Variants in SEZ6L observed in about 807,000 individuals in gnomAD.
The protein encoded by SEZ6L is seizure 6-like protein.
SEZ6L carries 37 observed loss-of-function variants against 106.2 expected under a neutral mutation model. That is an observed-to-expected ratio of 0.35 (90% confidence interval 0.27 to 0.46). SEZ6L has a LOEUF of 0.46. Ranked by LOEUF, SEZ6L falls within the 20% of genes least tolerant of loss-of-function variation. SEZ6L has a pLI of 1.00. For synonymous variants in SEZ6L, 541 were observed against 570.4 expected, an observed-to-expected ratio of 0.95 and a Z score of 0.73; for missense variants, 1,172 against 1,332.8, an observed-to-expected ratio of 0.88 and a Z score of 1.88.
At position 26,306,128 on chromosome 22, in the gene SEZ6L, C is replaced by A. The variant is rs765147453; in HGVS notation, c.1498C>A (p.Leu500Met). Residue 500 changes from leucine (L) to methionine (M), a missense_variant, in exon 6 of 17, where the codon CTG (leucine) becomes ATG (methionine). Physicochemically the swap from Leu to Met is conservative, Grantham distance 15. Transcript: ENST00000248933. ...GCACCTGCACTTTGAGAGGCTGTTGCTGCATGACAAGGACAGGTAAAGCTC... is the reference window on the plus strand; with the variant it reads ...GCACCTGCACTTTGAGAGGCTGTTGATGCATGACAAGGACAGGTAAAGCTC... The part of the protein sequence containing the change: ...KLHLHFERLL[L>M]HDKDRMTVHS... 6.2e-7 allele frequency: 1 copy of A among 1,613,736 alleles called. No homozygotes were observed. The highest frequency in any genetic ancestry group is 1.1e-5 in the South Asian group (1 of 91,078).
At chr22:26,234,417 C>T (rs189426972) in intron 1 of SEZ6L, among the ~76,000 whole-genome samples, 4 of 152,312 alleles carry the variant, frequency 2.6e-5, no homozygotes, top group East Asian at 3.9e-4. Flanking sequence ...CTAGCAGCTG[C>T]GAGTAAAAAA....
intron 16 of SEZ6L, 76 bp from the exon 17 acceptor site, chr22:26,380,190 C>G: frequency 7.1e-7 from 1 of 1,411,952 alleles, no homozygotes; most frequent in Non-Finnish European, 1.0e-6. Context: ...TACAGAGGTG[C>G]AAAGAACTGC....
intron 5 of SEZ6L, among the ~76,000 whole-genome samples, chr22:26,304,426 A>AAGAG (rs1491475049): frequency 6.6e-6 from 1 of 150,412 alleles, no homozygotes; most frequent in African/African-American, 2.4e-5. Flanking sequence ...GAAAGAAAGA[A>AAGAG]AGAAAAAGAA....
At chr22:26,261,084 G>A (rs945077094) in intron 1 of SEZ6L, among the ~76,000 whole-genome samples, 24 of 151,862 alleles carry the variant, frequency 1.6e-4, no homozygotes, top group African/African-American at 5.8e-4. Context: ...GGGATTATTT[G>A]TTTTTTTCTT....
At chr22:26,193,291 A>C (rs540746936) in intron 1 of SEZ6L, among the ~76,000 whole-genome samples, 3 of 152,194 alleles carry the variant, frequency 2.0e-5, no homozygotes, top group African/African-American at 7.2e-5. Context: ...ATATGGCTTA[A>C]TGCTTCAGCA....
chr22:26,202,130 A>G (rs79359), intron 1 of SEZ6L, among the ~76,000 whole-genome samples: 104,357 of 151,872 alleles, frequency 0.69, 37,574 homozygotes, highest in African/African-American at 0.91. Context: ...TAGCCAGGAT[A>G]GTCTTGATCT....
At chr22:26,234,506 C>T (rs1038040679) in intron 1 of SEZ6L, among the ~76,000 whole-genome samples, 14 of 152,102 alleles carry the variant, frequency 9.2e-5, no homozygotes, top group East Asian at 3.8e-4. Context: ...CTTGGGAGAA[C>T]GAACGTCTTG....
intron 9 of SEZ6L, among the ~76,000 whole-genome samples, chr22:26,314,829 C>T (rs2081952726): frequency 6.6e-6 from 1 of 152,248 alleles, no homozygotes; most frequent in Non-Finnish European, 1.5e-5. Flanking sequence ...ATTAACCCCA[C>T]TGTCTGAGAA....
intron 11 of SEZ6L, among the ~76,000 whole-genome samples, chr22:26,349,127 A>C (rs1480724231): frequency 6.6e-6 from 1 of 152,156 alleles, no homozygotes; most frequent in Non-Finnish European, 1.5e-5. Context: ...GGCCCCTTCT[A>C]TGTGGGACTG....
intron 1 of SEZ6L, among the ~76,000 whole-genome samples, chr22:26,261,847 G>A (rs886356963): frequency 2.0e-5 from 3 of 152,160 alleles, no homozygotes; most frequent in African/African-American, 7.2e-5. Context: ...GAGTATTTTG[G>A]AGAAGTCAGA....
intron 11 of SEZ6L, 79 bp downstream of exon 11, chr22:26,347,992 T>A: frequency 1.7e-6 from 2 of 1,181,116 alleles, no homozygotes; most frequent in Non-Finnish European, 2.3e-6. Context: ...GTGGGTGCAG[T>A]GGAGCTGTTT....
chr22:26,337,027 C>T (rs920427192), intron 9 of SEZ6L, among the ~76,000 whole-genome samples: 9 of 152,146 alleles, frequency 5.9e-5, no homozygotes, highest in Admixed American at 2.0e-4. Flanking sequence ...ATGACATCAC[C>T]GAGCTTGCCC....
chr22:26,306,245 G>A (rs571584108), intron 6 of SEZ6L, 101 bp downstream of exon 6: 11 of 1,331,672 alleles, frequency 8.3e-6, no homozygotes, highest in East Asian at 2.3e-5. Context: ...TTTGACCCTC[G>A]GAATTCAAGA....
chr22:26,331,292 C>A (rs1019130888), intron 9 of SEZ6L, among the ~76,000 whole-genome samples: 1 of 152,212 alleles, frequency 6.6e-6, no homozygotes, highest in Non-Finnish European at 1.5e-5. Flanking sequence ...TCTCTAGACC[C>A]CAGTGAAAGC....
intron 1 of SEZ6L, chr22:26,254,046 A>C (rs2079715193): frequency 6.6e-6 from 1 of 152,234 alleles, no homozygotes. Flanking sequence ...ATGCACCTGC[A>C]ACTACCCTTG....
In SEZ6L at chr22:26,277,040, G is replaced by A. The variant is rs77376727; in HGVS notation, c.95-15366G>A. On this transcript the variant is annotated intron_variant, in intron 1 of 16. Transcript: ENST00000248933. ...TGAATTACAAAGGAGGCCCATTCGT[G>A]GGGGAGAAGCCAGCTCACAGAAGAC... Among the ~76,000 whole-genome samples the A allele has an allele frequency of 6.0e-3, 914 of 152,080 alleles. 11 individuals carry two copies. Among genetic ancestry groups the A allele is most frequent in the African/African-American group, 0.021 (882 of 41,458 alleles).
rs770416615 is a variant in SEZ6L, at chr22:26,382,054, G to A, written c.*1759G>A. On this transcript the variant is annotated 3_prime_UTR_variant, in exon 17 of 17. Coordinates refer to ENST00000248933, the MANE Select transcript of SEZ6L (RefSeq NM_021115.5). ...AGGAACTCAGACTTCAATCTTGGGG[G>A]TCTAAGACCAGAATATTTTCCTTCT... 9.6e-6 allele frequency: 5 copies of A among 518,814 alleles called. No homozygotes were observed. Among genetic ancestry groups the A allele is most frequent in the South Asian group, 7.0e-5 (5 of 71,544 alleles). 32.1% of individuals were successfully genotyped at this position (518,814 alleles called of 1,614,324 possible). A position where few individuals can be genotyped will look rare whatever the true frequency, so the allele number is the denominator to read the frequency against.
intron 1 of SEZ6L, among the ~76,000 whole-genome samples, chr22:26,172,950 G>C (rs1158540792): frequency 1.3e-5 from 2 of 152,346 alleles, no homozygotes; most frequent in Admixed American, 1.3e-4. Context: ...GAGTTTGACT[G>C]AACTGGGCAC....
chr22:26,331,485 C>T (rs17305441), intron 9 of SEZ6L, among the ~76,000 whole-genome samples: 7,163 of 152,246 alleles, frequency 0.047, 187 homozygotes, highest in Admixed American at 0.061. Flanking sequence ...CTTACATATC[C>T]TTCCCCAGAT....
Sources: allele counts gnomAD v4.1 joint callset (sites outside exome capture counted in the v4.1 genomes callset), GRCh38; gene constraint gnomAD v4.1.1; transcripts MANE v1.5; gene names NCBI Gene and HGNC (gene_info 2026-07-23, HGNC 2026-07-21).